The following ATXN2 variants were observed in gnomAD, a reference collection of about 807,000 sequenced individuals.
ATXN2 encodes the protein ataxin-2.
A neutral mutation model predicts 138.6 loss-of-function variants in ATXN2; 37 were observed. The ratio of observed to expected loss-of-function variants is 0.27; its 90% confidence interval spans 0.21 to 0.35. The LOEUF is 0.35. Among genes scored for constraint, ATXN2 ranks in the 10% least tolerant of loss-of-function variants. The probability of loss-of-function intolerance (pLI) is 1.00; values close to 1 mark genes in which losing one functional copy is unlikely to be tolerated. For synonymous variants in ATXN2, 549 were observed against 543.7 expected, an observed-to-expected ratio of 1.01 and a Z score of -0.13; for missense variants, 1,216 against 1,480.3, an observed-to-expected ratio of 0.82 and a Z score of 2.93.
At chr12:111,571,118 A>G (rs1045233040) in intron 1 of ATXN2, among the ~76,000 whole-genome samples, 5 of 152,232 alleles carry the variant, frequency 3.3e-5, no homozygotes, top group Non-Finnish European at 7.3e-5. Context: ...AGTGAAAATA[A>G]CTTGCCTTAC....
intron 14 of ATXN2, among the ~76,000 whole-genome samples, chr12:111,507,012 TAC>T (rs1879170660): frequency 1.3e-5 from 2 of 152,118 alleles, no homozygotes; most frequent in African/African-American, 4.8e-5. Context: ...CTCGGCTCGC[TAC>T]AACCTCCACC....
chr12:111,457,335 T>A lies in ATXN2; in HGVS notation c.2921A>T (p.Gln974Leu). 1.2e-6 allele frequency: 2 copies of A among 1,612,684 alleles called. No individual in the cohort carries two copies. The highest frequency in any genetic ancestry group is 1.7e-6 in the Non-Finnish European group (2 of 1,179,414). Residue 974 changes from glutamine (Q) to leucine (L), a missense_variant, in exon 22 of 25, where the codon CAG becomes CTG. Coordinates refer to ENST00000673436, the MANE Select transcript of ATXN2 (RefSeq NM_001372574.1). ...CAGGGTAGCGTTAGGGTGCGCATAC[T>A]GCTGAGCAAGGGAGCCCGTGGAAAC... ...FAISTGSLAQ[Q>L]YAHPNATLHP...
At chr12:111,514,540 T>C (rs1012704887) in intron 10 of ATXN2, among the ~76,000 whole-genome samples, 1 of 152,258 alleles carries the variant, frequency 6.6e-6, no homozygotes, top group Non-Finnish European at 1.5e-5. Context: ...TTTTTATTTT[T>C]ATAAGACAGA....
chr12:111,491,383 G>T (rs1343512580), intron 14 of ATXN2, among the ~76,000 whole-genome samples: 1 of 152,176 alleles, frequency 6.6e-6, no homozygotes, highest in Non-Finnish European at 1.5e-5. Flanking sequence ...ATGGTACTGT[G>T]CTGGGCTCAT....
chr12:111,560,187 T>C (rs1172895757), intron 1 of ATXN2, among the ~76,000 whole-genome samples: 1 of 152,068 alleles, frequency 6.6e-6, no homozygotes, highest in Non-Finnish European at 1.5e-5. Flanking sequence ...AGATTTCACA[T>C]CCTCAGATTC....
chr12:111,586,000 G>A (rs937239151), intron 1 of ATXN2, among the ~76,000 whole-genome samples: 1 of 151,668 alleles, frequency 6.6e-6, no homozygotes, highest in Admixed American at 6.6e-5. Flanking sequence ...AGACTTAAGT[G>A]AACCACCTGC....
At chr12:111,534,314 T>C (rs1881016884) in intron 5 of ATXN2, among the ~76,000 whole-genome samples, 1 of 151,912 alleles carries the variant, frequency 6.6e-6, no homozygotes, top group Non-Finnish European at 1.5e-5. Context: ...GGTGGGAGAA[T>C]CACTTGAGCC....
intron 14 of ATXN2, among the ~76,000 whole-genome samples, chr12:111,495,624 C>A (rs1434591477): frequency 6.6e-6 from 1 of 152,110 alleles, no homozygotes; most frequent in Non-Finnish European, 1.5e-5. Flanking sequence ...AAAAGAGAAA[C>A]AGACCTCAGT....
At chr12:111,507,010 G>C (rs1262033176) in intron 14 of ATXN2, among the ~76,000 whole-genome samples, 2 of 152,142 alleles carry the variant, frequency 1.3e-5, no homozygotes, top group East Asian at 3.9e-4. Context: ...ATCTCGGCTC[G>C]CTACAACCTC....
At chr12:111,581,517 C>A (rs538192908) in intron 1 of ATXN2, 1 of 1,027,736 alleles carries the variant, frequency 9.7e-7, no homozygotes, top group Non-Finnish European at 1.5e-6. Context: ...ACCGTGATCC[C>A]CATCCACAGC....
intron 14 of ATXN2, among the ~76,000 whole-genome samples, chr12:111,490,808 GGA>G (rs144773163): frequency 6.6e-6 from 1 of 152,120 alleles, no homozygotes; most frequent in South Asian, 2.1e-4. Context: ...TGTGCTCGGG[GGA>G]GAGAGAGAGA....
intron 5 of ATXN2, among the ~76,000 whole-genome samples, chr12:111,535,986 C>G (rs1482465537): frequency 7.5e-6 from 1 of 133,610 alleles, no homozygotes; most frequent in African/African-American, 3.1e-5. Flanking sequence ...GGCGACAGAG[C>G]GAGACTCCGT....
At chr12:111,479,738 A>G (rs1208506952) in intron 18 of ATXN2, among the ~76,000 whole-genome samples, 10 of 151,858 alleles carry the variant, frequency 6.6e-5, no homozygotes, top group Non-Finnish European at 1.3e-4. Context: ...TTTGTTCATC[A>G]GCTATCATTA....
chr12:111,477,858 G>A (rs906506588), intron 18 of ATXN2, among the ~76,000 whole-genome samples: 6 of 151,614 alleles, frequency 4.0e-5, no homozygotes, highest in South Asian at 2.1e-4. Flanking sequence ...CCCCTCCATC[G>A]CCCTCCAAAC....
intron 2 of ATXN2, among the ~76,000 whole-genome samples, chr12:111,554,682 A>G (rs926046303): frequency 2.6e-5 from 4 of 152,190 alleles, no homozygotes; most frequent in African/African-American, 4.8e-5. Context: ...AGACAAATCA[A>G]TGGTTGGAGA....
intron 1 of ATXN2, among the ~76,000 whole-genome samples, chr12:111,561,956 C>T (rs1009487600): frequency 2.0e-5 from 3 of 151,786 alleles, no homozygotes; most frequent in Admixed American, 6.5e-5. Context: ...GGACTACAGG[C>T]GTGTGCCACC....
intron 1 of ATXN2, among the ~76,000 whole-genome samples, chr12:111,567,464 C>T (rs781333141): frequency 6.6e-6 from 1 of 151,648 alleles, no homozygotes; most frequent in Non-Finnish European, 1.5e-5. Context: ...TGAGCCACTG[C>T]ACTCCAGCCT....
chr12:111,508,131 C>T (rs1442970177), intron 14 of ATXN2, among the ~76,000 whole-genome samples: 1 of 149,266 alleles, frequency 6.7e-6, no homozygotes, highest in Non-Finnish European at 1.5e-5. Context: ...TCCCCCTCTG[C>T]GAGAAACACC....
At position 111,453,299 on chromosome 12, in the gene ATXN2, C is replaced by T; in HGVS notation, c.3439+378G>A. The T allele has an allele frequency of 7.5e-6, 8 of 1,062,466 alleles. No homozygotes were observed. Among genetic ancestry groups the T allele is most frequent in the Non-Finnish European group, 9.1e-6 (8 of 880,626 alleles). 65.8% of individuals were successfully genotyped at this position (1,062,466 alleles called of 1,614,324 possible). A position where few individuals can be genotyped will look rare whatever the true frequency, so the allele number is the denominator to read the frequency against. ...CTCAGCAGTATCTTCTCCAGAGCTA[C>T]AATCAAACTCTGCCATGGTAATAAC... On this transcript the variant is annotated intron_variant, in intron 24 of 24. Coordinates refer to ENST00000673436, the MANE Select transcript of ATXN2 (RefSeq NM_001372574.1). This position sits in a 1 kb window ranked among gnomAD's most constrained non-coding sequence, Gnocchi z 5.4.
Sources: allele counts gnomAD v4.1 joint callset (sites outside exome capture counted in the v4.1 genomes callset), GRCh38; gene constraint gnomAD v4.1.1; non-coding constraint Gnocchi (gnomAD v3.1); transcripts MANE v1.5; gene names NCBI Gene and HGNC (gene_info 2026-07-23, HGNC 2026-07-21).